The following PPARGC1A variants were observed in gnomAD, a reference collection of about 807,000 sequenced individuals.
PPARGC1A encodes the protein peroxisome proliferator-activated receptor gamma coactivator 1-alpha.
PPARGC1A carries 25 observed loss-of-function variants against 88.7 expected under a neutral mutation model. That is an observed-to-expected ratio of 0.28 (90% confidence interval 0.21 to 0.39). The LOEUF (loss-of-function observed/expected upper bound fraction) is 0.39, where lower values mean the gene tolerates loss of function less well. PPARGC1A is among the 10% of genes least tolerant of loss of function. PPARGC1A has a pLI of 1.00. For synonymous variants in PPARGC1A, 363 were observed against 355.6 expected, an observed-to-expected ratio of 1.02 and a Z score of -0.24; for missense variants, 880 against 968.7, an observed-to-expected ratio of 0.91 and a Z score of 1.22.
chr4:24,080,565 T>C, the PPARGC1A span, among the ~76,000 whole-genome samples: 9 of 152,134 alleles, frequency 5.9e-5, no homozygotes, highest in African/African-American at 9.6e-5. Context: ...AGTGAAACTG[T>C]AGACACCCTT....
At chr4:23,892,121 T>A (rs527466585), upstream of PPARGC1A, among the ~76,000 whole-genome samples, 19 of 152,244 alleles carry the variant, frequency 1.2e-4, no homozygotes, top group Non-Finnish European at 2.1e-4. Context: ...CTTTTAGAGA[T>A]GTTCTTTACA....
the PPARGC1A span, among the ~76,000 whole-genome samples, chr4:24,098,883 G>T: frequency 6.6e-6 from 1 of 152,156 alleles, no homozygotes; most frequent in African/African-American, 2.4e-5. Context: ...CAATTTTTCT[G>T]TACATATGAA....
At chr4:23,992,305 A>T in the PPARGC1A span, among the ~76,000 whole-genome samples, 2 of 150,556 alleles carry the variant, frequency 1.3e-5, no homozygotes, top group Non-Finnish European at 3.0e-5. Context: ...ATCAGATAAT[A>T]TTATTACTAG....
At chr4:24,421,709 G>T in the PPARGC1A span, among the ~76,000 whole-genome samples, 6 of 152,168 alleles carry the variant, frequency 3.9e-5, no homozygotes, top group African/African-American at 1.4e-4. Flanking sequence ...CTGCCTCCAT[G>T]ATGCGTACCT....
At chr4:23,984,142 C>G in the PPARGC1A span, among the ~76,000 whole-genome samples, 3 of 152,076 alleles carry the variant, frequency 2.0e-5, no homozygotes, top group Non-Finnish European at 4.4e-5. Context: ...CTCATATCTT[C>G]TGGACATCCA....
chr4:23,923,269 T>C, the PPARGC1A span, among the ~76,000 whole-genome samples: 1 of 152,184 alleles, frequency 6.6e-6, no homozygotes, highest in East Asian at 1.9e-4. Flanking sequence ...TTGAGGGCCT[T>C]ACATTATATG....
At chr4:24,061,968 A>C in the PPARGC1A span, among the ~76,000 whole-genome samples, 1 of 152,154 alleles carries the variant, frequency 6.6e-6, no homozygotes, top group African/African-American at 2.4e-5. Context: ...CTTCAGGAAG[A>C]AGTGGTGAAG....
At chr4:24,247,266 T>C in the PPARGC1A span, among the ~76,000 whole-genome samples, 2 of 152,252 alleles carry the variant, frequency 1.3e-5, no homozygotes, top group Middle Eastern at 6.8e-3. Context: ...AAAGGGGAAA[T>C]TGAGTTATCC....
At chr4:24,417,708 A>T in the PPARGC1A span, among the ~76,000 whole-genome samples, 1 of 152,214 alleles carries the variant, frequency 6.6e-6, no homozygotes, top group African/African-American at 2.4e-5. Context: ...TGTAGAAATA[A>T]TTTGTCGACA....
the PPARGC1A span, among the ~76,000 whole-genome samples, chr4:24,439,033 G>T: frequency 1.3e-5 from 2 of 151,936 alleles, no homozygotes; most frequent in Non-Finnish European, 2.9e-5. Flanking sequence ...AAAAGGATGA[G>T]ATACAAAATA....
the PPARGC1A span, among the ~76,000 whole-genome samples, chr4:24,321,028 T>C: frequency 1.3e-5 from 2 of 151,934 alleles, no homozygotes; most frequent in African/African-American, 4.8e-5. Flanking sequence ...TAATGAAGAG[T>C]TGCAAGTGTA....
chr4:24,156,963 GT>G, the PPARGC1A span, among the ~76,000 whole-genome samples: 1 of 152,060 alleles, frequency 6.6e-6, no homozygotes, highest in African/African-American at 2.4e-5. Context: ...CTAATCCACA[GT>G]TCCCATCCCT....
chr4:23,845,394 G>A (rs1035759546), intron 2 of PPARGC1A, among the ~76,000 whole-genome samples: 2 of 152,252 alleles, frequency 1.3e-5, no homozygotes, highest in East Asian at 3.9e-4. Flanking sequence ...CTGTGCAGCT[G>A]CAGATTCCTG....
the PPARGC1A span, among the ~76,000 whole-genome samples, chr4:24,371,387 A>T: frequency 6.6e-6 from 1 of 152,152 alleles, no homozygotes; most frequent in Non-Finnish European, 1.5e-5. Context: ...AGCTTTACAC[A>T]ACTTTCTGTC....
At chr4:24,104,206 T>C in the PPARGC1A span, among the ~76,000 whole-genome samples, 1 of 152,148 alleles carries the variant, frequency 6.6e-6, no homozygotes, top group Non-Finnish European at 1.5e-5. Flanking sequence ...AACAGTAGAG[T>C]GGGCGCCCTC....
At chr4:23,994,861 A>T in the PPARGC1A span, among the ~76,000 whole-genome samples, 1 of 152,020 alleles carries the variant, frequency 6.6e-6, no homozygotes, top group African/African-American at 2.4e-5. Flanking sequence ...AGATGACAAT[A>T]GAAGCAAAGA....
intron 10 of PPARGC1A, among the ~76,000 whole-genome samples, chr4:23,810,056 C>T (rs1338796827): frequency 6.6e-6 from 1 of 152,138 alleles, no homozygotes; most frequent in Admixed American, 6.5e-5. Flanking sequence ...TATATCCCAA[C>T]CAAATGGCAA....
the PPARGC1A span, among the ~76,000 whole-genome samples, chr4:24,425,317 T>C: frequency 6.6e-6 from 1 of 152,182 alleles, no homozygotes; most frequent in Non-Finnish European, 1.5e-5. Flanking sequence ...TGGGGAAACT[T>C]TGTCATCTCC....
the PPARGC1A span, among the ~76,000 whole-genome samples, chr4:24,257,805 C>T: frequency 6.6e-6 from 1 of 152,080 alleles, no homozygotes; most frequent in Non-Finnish European, 1.5e-5. Context: ...TTCTTTGAGA[C>T]ATAAAGTGAC....
Sources: allele counts gnomAD v4.1 joint callset (sites outside exome capture counted in the v4.1 genomes callset), GRCh38; gene constraint gnomAD v4.1.1; transcripts MANE v1.5; gene names NCBI Gene and HGNC (gene_info 2026-07-23, HGNC 2026-07-21).